Variants in CFAP54 observed in about 807,000 individuals in gnomAD.
The protein encoded by CFAP54 is cilia- and flagella-associated protein 54.
Under a neutral mutation model 370.4 loss-of-function variants are expected in CFAP54, and 290 were observed. The observed-to-expected ratio is 0.78, with a 90% CI of 0.71 to 0.86. The LOEUF is 0.86. Among genes scored for constraint, CFAP54 ranks in the 40% least tolerant of loss-of-function variants. CFAP54 has a pLI of 0.00. For missense variants in CFAP54, 3,399 were observed against 3,528.7 expected, an observed-to-expected ratio of 0.96 and a Z score of 0.93; for synonymous variants, 1,206 against 1,236.5, an observed-to-expected ratio of 0.98 and a Z score of 0.52.
At chr12:96,536,965 GTTCAATTCAATTCAATTCAATACAA>G (rs1453654289) in intron 12 of CFAP54, among the ~76,000 whole-genome samples, 1 of 144,600 alleles carries the variant, frequency 6.9e-6, no homozygotes, top group Admixed American at 7.0e-5. Context: ...ATATGTCTTA[GTTCAATTCAATTCAATTCAATACAA>G]TTCAATTCAA....
intron 67 of CFAP54, among the ~76,000 whole-genome samples, chr12:96,862,232 G>A (rs1959896968): frequency 6.6e-6 from 1 of 152,144 alleles, no homozygotes; most frequent in Non-Finnish European, 1.5e-5. Flanking sequence ...AAGCATTTAA[G>A]GATAAGAAGA....
At chr12:96,545,627 A>G (rs1955632518) in intron 14 of CFAP54, among the ~76,000 whole-genome samples, 1 of 152,232 alleles carries the variant, frequency 6.6e-6, no homozygotes, top group African/African-American at 2.4e-5. Flanking sequence ...GTCATCTCTT[A>G]TGGGATCCAT....
chr12:96,589,513 TG>T lies in CFAP54; in HGVS notation c.3163del (p.Glu1055AsnfsTer7). The T allele has an allele frequency of 6.7e-7, 1 of 1,493,014 alleles. No homozygotes were observed. The highest frequency in any genetic ancestry group is 1.4e-5 in the African/African-American group (1 of 72,254). 92.5% of individuals were successfully genotyped at this position (1,493,014 alleles called of 1,614,324 possible). Reference sequence around the variant, plus strand: ...ATTTTGTTGCTTCGCCACTTCAGGATGAACAATCTGTTATTTGTTTAAGCAA... The same window carrying T: ...ATTTTGTTGCTTCGCCACTTCAGGATAACAATCTGTTATTTGTTTAAGCAA... ...DYFVASPLQD[E>X]QSVICLSNII... On this transcript the variant is annotated frameshift_variant, in exon 23 of 68. Coordinates refer to ENST00000524981, the MANE Select transcript of CFAP54 (RefSeq NM_001306084.2). LOFTEE classifies it high-confidence loss of function.
chr12:96,644,756 C>G (rs1023872705), intron 33 of CFAP54, among the ~76,000 whole-genome samples: 3 of 152,102 alleles, frequency 2.0e-5, no homozygotes, highest in Non-Finnish European at 4.4e-5. Flanking sequence ...TTGTGAGACT[C>G]ATTATCATGA....
intron 50 of CFAP54, among the ~76,000 whole-genome samples, chr12:96,724,030 G>T (rs1957796373): frequency 6.6e-6 from 1 of 151,882 alleles, no homozygotes; most frequent in Non-Finnish European, 1.5e-5. Context: ...TGGCTGCATA[G>T]TATTCCATGG....
chr12:96,815,348 G>T (rs944136624), intron 64 of CFAP54, among the ~76,000 whole-genome samples: 2 of 152,134 alleles, frequency 1.3e-5, no homozygotes, highest in Non-Finnish European at 2.9e-5. Context: ...CTGCCTAAAT[G>T]TCTTTTTTTG....
intron 26 of CFAP54, among the ~76,000 whole-genome samples, chr12:96,606,011 A>G (rs1479072855): frequency 2.6e-5 from 4 of 151,912 alleles, no homozygotes; most frequent in African/African-American, 9.7e-5. Context: ...TTTATTTAAA[A>G]AGAAACCAAC....
intron 60 of CFAP54, among the ~76,000 whole-genome samples, chr12:96,777,177 A>C (rs959201086): frequency 6.6e-6 from 1 of 152,088 alleles, no homozygotes; most frequent in African/African-American, 2.4e-5. Flanking sequence ...TCAGCTTGCA[A>C]CTCAAAGAAT....
intron 52 of CFAP54, among the ~76,000 whole-genome samples, chr12:96,742,874 G>T (rs1331644939): frequency 2.0e-5 from 3 of 152,160 alleles, no homozygotes; most frequent in Non-Finnish European, 2.9e-5. Context: ...GTGTAGGAGT[G>T]AAGAGCACAG....
At chr12:96,826,840 ATAAT>A (rs1959117665) in intron 65 of CFAP54, among the ~76,000 whole-genome samples, 1 of 113,748 alleles carries the variant, frequency 8.8e-6, no homozygotes, top group Non-Finnish European at 1.6e-5. Context: ...AATATATCAT[ATAAT>A]ATTATATAAT....
intron 46 of CFAP54, among the ~76,000 whole-genome samples, chr12:96,703,416 AG>A (rs1039276037): frequency 2.6e-5 from 4 of 152,144 alleles, no homozygotes; most frequent in Admixed American, 2.6e-4. Context: ...GTACTTGAGT[AG>A]GACACCATCT....
At chr12:96,550,156 T>A (rs1235507183) in intron 15 of CFAP54, among the ~76,000 whole-genome samples, 2 of 152,210 alleles carry the variant, frequency 1.3e-5, no homozygotes, top group Non-Finnish European at 2.9e-5. Flanking sequence ...ACCTGCGACA[T>A]GTTTTAGTTA....
At chr12:96,628,348 A>ATCT (rs1956568354) in intron 30 of CFAP54, among the ~76,000 whole-genome samples, 1 of 152,180 alleles carries the variant, frequency 6.6e-6, no homozygotes, top group Non-Finnish European at 1.5e-5. Context: ...GGAGTGGAGG[A>ATCT]GTTTAATTTA....
At chr12:96,714,305 C>T (rs1330196583) in intron 48 of CFAP54, among the ~76,000 whole-genome samples, 1 of 152,082 alleles carries the variant, frequency 6.6e-6, no homozygotes, top group Non-Finnish European at 1.5e-5. Context: ...TGTGGGATGC[C>T]TATTAAGCAC....
chr12:96,691,258 C>A lies in CFAP54; in HGVS notation c.6212C>A (p.Ala2071Glu), dbSNP rs779033035. The stretch of plus-strand genomic sequence containing the variant: ...AGGGCTGACATTTGCTCTGTAATTG[C>A]AAGTCTGTATTACATTATACGTGAA... The part of the protein sequence containing the change: ...RYRADICSVI[A>E]SLYYIIRELH... Residue 2071 changes from alanine (A) to glutamate (E), a missense_variant, in exon 44 of 68, where the codon GCA (alanine) becomes GAA (glutamate). By Grantham distance (107) the Ala-to-Glu change is moderately radical. This residue lies in a region of CFAP54 where 2,796 missense variants were observed against 2,869.7 expected (regional missense o/e 0.97). Coordinates refer to ENST00000524981, the MANE Select transcript of CFAP54 (RefSeq NM_001306084.2). The A allele has an allele frequency of 1.3e-5, 21 of 1,612,018 alleles. No homozygotes were observed. Among genetic ancestry groups the A allele is most frequent in the Non-Finnish European group, 1.6e-5 (19 of 1,179,260 alleles).
chr12:96,617,299 A>C (rs184095461), intron 26 of CFAP54, among the ~76,000 whole-genome samples: 30 of 152,340 alleles, frequency 2.0e-4, no homozygotes, highest in South Asian at 6.2e-4. Flanking sequence ...ATGTAAAGAC[A>C]AAGAAGTCAT....
chr12:96,788,233 A>G (rs1958648310), intron 62 of CFAP54, among the ~76,000 whole-genome samples: 1 of 152,176 alleles, frequency 6.6e-6, no homozygotes, highest in Non-Finnish European at 1.5e-5. Context: ...ACCATTTGGA[A>G]CTTCTGTCTG....
At chr12:96,669,657 C>G (rs1356626426) in intron 39 of CFAP54, among the ~76,000 whole-genome samples, 1 of 152,140 alleles carries the variant, frequency 6.6e-6, no homozygotes, top group Non-Finnish European at 1.5e-5. Flanking sequence ...TGCCTTCACC[C>G]AGACAGGAAA....
At chr12:96,833,775 C>G (rs1252017257) in intron 66 of CFAP54, among the ~76,000 whole-genome samples, 1 of 151,788 alleles carries the variant, frequency 6.6e-6, no homozygotes, top group African/African-American at 2.4e-5. Flanking sequence ...TGATAATAGT[C>G]ATGAAAATGC....
Sources: gnomAD v4.1 joint callset for allele counts (sites outside exome capture counted in the v4.1 genomes callset) on GRCh38, gnomAD v4.1.1 for gene constraint, gnomAD v4.1.1 regional missense constraint, MANE v1.5 for transcripts, NCBI Gene and HGNC (gene_info 2026-07-23, HGNC 2026-07-21) for gene names.